The following ZNF2 variants were observed in gnomAD, a reference collection of about 807,000 sequenced individuals.
ZNF2 encodes zinc finger protein 2, also known as zinc finger protein 2.2.
ZNF2 carries 12 observed loss-of-function variants against 21.9 expected under a neutral mutation model. The observed-to-expected ratio is 0.55, with a 90% CI of 0.35 to 0.89. The LOEUF (loss-of-function observed/expected upper bound fraction) is 0.89. Among genes scored for constraint, ZNF2 ranks in the 40% least tolerant of loss-of-function variants. ZNF2 has a pLI of 0.01. For missense variants in ZNF2, 462 were observed against 544.2 expected (o/e 0.85, Z 1.50); for synonymous variants, 186 against 196.3 (o/e 0.95, Z 0.44).
chr2:95,168,153 GCTGTGGCTCATGCCTGTAATCCCAGCA>G (rs1215249101), intron 1 of ZNF2, among the ~76,000 whole-genome samples: 1 of 151,950 alleles, frequency 6.6e-6, no homozygotes, highest in Non-Finnish European at 1.5e-5. Context: ...GGGTCTGGGC[GCTGTGGCTCATGCCTGTAATCCCAGCA>G]CTGTGGGAGG....
intron 3 of ZNF2, 68 bp downstream of exon 3, chr2:95,177,677 AT>A (rs1674494493): frequency 6.5e-7 from 1 of 1,538,578 alleles, no homozygotes; most frequent in Admixed American, 2.0e-5. Context: ...GGGCTGAGGA[AT>A]TAATACCGTT....
chr2:95,183,290 A>G lies in ZNF2; in HGVS notation c.*1184A>G, dbSNP rs1028841470. 2.6e-5 allele frequency: 4 copies of G among 152,156 alleles called. No homozygotes were observed. The highest frequency in any genetic ancestry group is 1.5e-5 in the Non-Finnish European group (1 of 68,044). The allele number at this position is 152,156 out of a possible 1,614,324, so 9.4% of individuals were successfully genotyped here. A position where few individuals can be genotyped will look rare whatever the true frequency, so the allele number is the denominator to read the frequency against. ...AGAAAGCTAGAGGAATTTGTAGGAT[A>G]TTTTCTTAGACCCAGGCTTACATCA... On this transcript the variant is annotated 3_prime_UTR_variant, in exon 5 of 5. Transcript: ENST00000614034.
At position 95,182,289 on chromosome 2, in the gene ZNF2, A is replaced by G; in HGVS notation, c.*183A>G. ...GTGTTATAGAACTGTAGGGGAGGCCATGGAAATGACTCTAAAGATACAAAA... is the reference window on the plus strand; with the variant it reads ...GTGTTATAGAACTGTAGGGGAGGCCGTGGAAATGACTCTAAAGATACAAAA... On this transcript the variant is annotated 3_prime_UTR_variant, in exon 5 of 5. Coordinates refer to ENST00000614034, the MANE Select transcript of ZNF2 (RefSeq NM_021088.4). 1.4e-6 allele frequency: 1 copy of G among 733,242 alleles called. No individual in the cohort carries two copies. The allele number at this position is 733,242 out of a possible 1,614,324, so 45.4% of individuals were successfully genotyped here.
intron 1 of ZNF2, among the ~76,000 whole-genome samples, chr2:95,170,336 A>C (rs1253037622): frequency 1.3e-5 from 2 of 152,186 alleles, no homozygotes; most frequent in Non-Finnish European, 2.9e-5. Flanking sequence ...GTTTTTGCTT[A>C]TACTTAGCTA....
At chr2:95,177,674 G>A (rs1199696948) in intron 3 of ZNF2, 65 bp downstream of exon 3, 2 of 1,551,846 alleles carry the variant, frequency 1.3e-6, no homozygotes, top group East Asian at 4.6e-5. Context: ...AGAGGGCTGA[G>A]GAATTAATAC....
intron 1 of ZNF2, among the ~76,000 whole-genome samples, chr2:95,166,587 A>G (rs1458961965): frequency 6.6e-6 from 1 of 152,202 alleles, no homozygotes; most frequent in African/African-American, 2.4e-5. Flanking sequence ...AAGGACCAGT[A>G]GCAGAGAGCT....
In ZNF2 at chr2:95,182,012, A is replaced by G; in HGVS notation, c.1184A>G (p.Lys395Arg). Reference sequence around the variant, plus strand: ...CATCAGCGTGTCCACACGGGAGAGAAGCCCTTTGAATGCACTGTGTGTGGG... The same window carrying G: ...CATCAGCGTGTCCACACGGGAGAGAGGCCCTTTGAATGCACTGTGTGTGGG... ...TRHQRVHTGE[K>R]PFECTVCGKV... Residue 395 changes from lysine (K) to arginine (R), a missense_variant, in exon 5 of 5, where the codon AAG (lysine) becomes AGG (arginine). By Grantham distance (26) the Lys-to-Arg change is conservative. Coordinates refer to ENST00000614034, the MANE Select transcript of ZNF2 (RefSeq NM_021088.4). 1 of 1,614,298 alleles carries G rather than the reference A, an allele frequency of 6.2e-7. No homozygotes were observed.
intron 1 of ZNF2, among the ~76,000 whole-genome samples, chr2:95,166,180 C>G (rs1402482657): frequency 1.3e-5 from 2 of 151,570 alleles, no homozygotes; most frequent in African/African-American, 2.4e-5. Flanking sequence ...GGAATTGACA[C>G]CAAATCTAGG....
intron 1 of ZNF2, among the ~76,000 whole-genome samples, chr2:95,173,972 G>A (rs1401219701): frequency 3.3e-5 from 5 of 152,230 alleles, no homozygotes; most frequent in African/African-American, 1.2e-4. Flanking sequence ...GCCTCCCAAA[G>A]TGCTGGGATT....
chr2:95,182,509 CTT>C lies in ZNF2; in HGVS notation c.*404_*405del, dbSNP rs1674713235. On this transcript the variant is annotated 3_prime_UTR_variant, in exon 5 of 5. Transcript: ENST00000614034. ...TTTTGATGGCTGTTAGTCCCCCTCT[CTT>C]GGAGCATTTTGGGGCACTAATCTTG... is the stretch of plus-strand genomic sequence containing the variant. 1 of 164,966 alleles carries C rather than the reference CTT, an allele frequency of 6.1e-6. No homozygotes were observed. The allele number at this position is 164,966 out of a possible 1,614,324, so 10.2% of individuals were successfully genotyped here. A position where few individuals can be genotyped will look rare whatever the true frequency, so the allele number is the denominator to read the frequency against.
chr2:95,180,685 A>G (rs541086939), intron 4 of ZNF2, among the ~76,000 whole-genome samples: 49 of 151,882 alleles, frequency 3.2e-4, no homozygotes, highest in Middle Eastern at 6.8e-3. Context: ...TAATTTTTGT[A>G]TTTTAGTAGA....
chr2:95,177,397 T>C, intron 2 of ZNF2, 86 bp from the exon 3 acceptor site: 3 of 1,523,518 alleles, frequency 2.0e-6, no homozygotes, highest in Non-Finnish European at 2.7e-6. Context: ...CCATGCGTCC[T>C]CCAGGGCTGT....
Position 95,181,148 on chromosome 2 carries a change from C to T in ZNF2, c.320C>T (p.Ser107Leu). 1.2e-6 allele frequency: 2 copies of T among 1,614,146 alleles called. No individual in the cohort carries two copies. Among genetic ancestry groups the T allele is most frequent in the Admixed American group, 1.7e-5 (1 of 60,012 alleles). Reference sequence around the variant, plus strand: ...ATTCACGATGCTTCAGACAAAAAATCAGAAGGATCATTGAGGGAATGCCTT... The same window carrying T: ...ATTCACGATGCTTCAGACAAAAAATTAGAAGGATCATTGAGGGAATGCCTT... ...PEIHDASDKKSEGSLRECLGR... is the reference protein window; with the variant it reads ...PEIHDASDKKLEGSLRECLGR... The change falls in exon 5 of 5, where the codon TCA (serine) becomes TTA (leucine). Residue 107 changes from serine (S) to leucine (L), a missense_variant. By Grantham distance (145) the Ser-to-Leu change is moderately radical (BLOSUM62 -2). Coordinates refer to ENST00000614034, the MANE Select transcript of ZNF2 (RefSeq NM_021088.4).
chr2:95,171,385 T>C (rs1358400489), intron 1 of ZNF2, among the ~76,000 whole-genome samples: 5 of 151,358 alleles, frequency 3.3e-5, no homozygotes, highest in East Asian at 3.9e-4. Flanking sequence ...TCTTCTTCTT[T>C]TTTTTTTTTT....
At chr2:95,166,773 C>T (rs1674059687) in intron 1 of ZNF2, among the ~76,000 whole-genome samples, 1 of 152,026 alleles carries the variant, frequency 6.6e-6, no homozygotes, top group African/African-American at 2.4e-5. Context: ...CCTGGGAGAA[C>T]AATAAAACAT....
Position 95,181,415 on chromosome 2 carries a change from C to A in ZNF2, c.587C>A (p.Thr196Asn). 6.2e-7 allele frequency: 1 copy of A among 1,614,208 alleles called. No individual in the cohort carries two copies. Among genetic ancestry groups the A allele is most frequent in the Non-Finnish European group, 8.5e-7 (1 of 1,180,018 alleles). Residue 196 changes from threonine (T) to asparagine (N), a missense_variant, in exon 5 of 5, where the codon ACT (threonine) becomes AAT (asparagine). Coordinates refer to ENST00000614034, the MANE Select transcript of ZNF2 (RefSeq NM_021088.4). The part of the protein sequence containing the change: ...SSLTRHQRTH[T>N]GEKPYDCREC... The stretch of plus-strand genomic sequence containing the variant: ...CTCACCCGCCATCAGAGGACTCACA[C>A]TGGGGAGAAGCCCTACGACTGCCGC...
chr2:95,168,056 G>T (rs530607958), intron 1 of ZNF2, among the ~76,000 whole-genome samples: 1 of 152,008 alleles, frequency 6.6e-6, no homozygotes, highest in East Asian at 1.9e-4. Flanking sequence ...AATAGTTTCA[G>T]GTAGAGGAGG....
At chr2:95,175,958 C>T (rs750986601) in intron 1 of ZNF2, among the ~76,000 whole-genome samples, 2 of 152,178 alleles carry the variant, frequency 1.3e-5, no homozygotes, top group Admixed American at 6.5e-5. Flanking sequence ...CCTCTAGCAT[C>T]GTGGTAAAAA....
Position 95,181,893 on chromosome 2 carries a change from C to T in ZNF2, c.1065C>T (p.Ser355=), listed in dbSNP as rs1386104333. 1 of 1,613,896 alleles carries T rather than the reference C, an allele frequency of 6.2e-7. No homozygotes were observed. Among genetic ancestry groups the T allele is most frequent in the Non-Finnish European group, 8.5e-7 (1 of 1,179,984 alleles). ...ECGKAFFDRS[S]LTQHQKIHTG... ...GCAAAGCTTTCTTTGACCGCTCATC[C>T]CTTACACAGCATCAGAAGATCCACA... Residue 355 remains serine, a synonymous_variant, in exon 5 of 5, where the codon TCC becomes TCT. Coordinates refer to ENST00000614034, the MANE Select transcript of ZNF2 (RefSeq NM_021088.4).
Sources: gnomAD v4.1 joint callset for allele counts (sites outside exome capture counted in the v4.1 genomes callset) on GRCh38, gnomAD v4.1.1 for gene constraint, MANE v1.5 for transcripts, NCBI Gene and HGNC (gene_info 2026-07-23, HGNC 2026-07-21) for gene names.